Variants in CPLANE1 observed in about 807,000 individuals in gnomAD.
CPLANE1 encodes the protein ciliogenesis and planar polarity effector complex subunit 1.
CPLANE1 carries 263 observed loss-of-function variants against 362.5 expected under a neutral mutation model. The observed-to-expected ratio is 0.73, with a 90% CI of 0.66 to 0.80. CPLANE1 has a LOEUF of 0.80. CPLANE1 is among the 30% of genes least tolerant of loss of function. The pLI is 0.00. For missense variants in CPLANE1, 3,461 were observed against 3,793.4 expected (o/e 0.91, Z 2.30); for synonymous variants, 1,212 against 1,302.6 (o/e 0.93, Z 1.50).
chr5:37,243,185 CAT>C (rs1245590996), intron 5 of CPLANE1, 66 bp from the exon 6 acceptor site: 12 of 879,410 alleles, frequency 1.4e-5, no homozygotes, highest in Admixed American at 2.9e-5. Flanking sequence ...TACTAAAATA[CAT>C]ATATATATTC....
At chr5:37,186,109 A>G (rs767310595) in intron 24 of CPLANE1, among the ~76,000 whole-genome samples, 177 bp downstream of exon 24, 3 of 152,240 alleles carry the variant, frequency 2.0e-5, no homozygotes, top group Non-Finnish European at 2.9e-5. Context: ...ATCTGGTTCC[A>G]AAGCAAGAGA....
chr5:37,224,276 GC>G lies in CPLANE1; in HGVS notation c.2557del (p.Ala853LeufsTer34). ...ACCTTTCTCTTCGATTTCTTGTAGA[GC>G]TTTTTTCCACAGCTGAACAGACTTT... ...YEKSVQLWKK[A>X]LQEIEEKGGR... On this transcript the variant is annotated frameshift_variant, in exon 14 of 53. Transcript: ENST00000651892. 6.5e-7 allele frequency: 1 copy of G among 1,549,154 alleles called. No homozygotes were observed. The highest frequency in any genetic ancestry group is 8.7e-7 in the Non-Finnish European group (1 of 1,145,842).
chr5:37,121,532 C>G (rs1323204588), intron 49 of CPLANE1, 85 bp downstream of exon 49: 2 of 1,267,666 alleles, frequency 1.6e-6, no homozygotes, highest in Non-Finnish European at 2.2e-6. Context: ...TGCAAATGCA[C>G]TGAACTTAGG....
At chr5:37,235,329 A>T (rs1304315344) in intron 8 of CPLANE1, among the ~76,000 whole-genome samples, 1 of 152,128 alleles carries the variant, frequency 6.6e-6, no homozygotes, top group Non-Finnish European at 1.5e-5. Context: ...TTATAATTAT[A>T]AAACGCTGAT....
At position 37,231,702 on chromosome 5, in the gene CPLANE1, C is replaced by G. The variant is rs188558824; in HGVS notation, c.939-653G>C. 1.5e-4 allele frequency among the ~76,000 whole-genome samples: 23 copies of G among 152,254 alleles called. 1 individual carries two copies. Among genetic ancestry groups the G allele is most frequent in the Admixed American group, 1.2e-3 (19 of 15,290 alleles). On this transcript the variant is annotated intron_variant, in intron 8 of 52. Transcript: ENST00000651892. ...CTCTGCAGGCTGTTAGAGTCCCTCT[C>G]AACAGCAGACTCTCCCTCTTCCCAA...
chr5:37,244,501 A>G lies in CPLANE1; in HGVS notation c.444T>C (p.Asn148=). Residue 148 remains asparagine, a synonymous_variant, in exon 5 of 53, where the codon AAT becomes AAC. Transcript: ENST00000651892. Reference sequence around the variant, plus strand: ...ATGAAAGGCTTTTAGAAGATAAGATATTCTTTAATTCCAAATATTCCCAAA... The same window carrying G: ...ATGAAAGGCTTTTAGAAGATAAGATGTTCTTTAATTCCAAATATTCCCAAA... ...IFLWEYLELK[N]ILSSKSLSLA... The G allele has an allele frequency of 6.4e-7, 1 of 1,551,912 alleles. No individual in the cohort carries two copies. The highest frequency in any genetic ancestry group is 8.7e-7 in the Non-Finnish European group (1 of 1,146,948).
chr5:37,231,157 C>T, intron 8 of CPLANE1, 108 bp from the exon 9 acceptor site: 1 of 636,244 alleles, frequency 1.6e-6, no homozygotes, highest in Non-Finnish European at 2.3e-6. Flanking sequence ...AAAATGAGGG[C>T]AAAAGAATGA....
downstream of CPLANE1, among the ~76,000 whole-genome samples, chr5:37,103,852 C>T (rs569454337): frequency 1.1e-3 from 162 of 152,060 alleles, no homozygotes; most frequent in Middle Eastern, 3.4e-3. Context: ...TTGGGGTTTT[C>T]TTGTAAAGTA....
chr5:37,133,742 T>A (rs1450849034), intron 46 of CPLANE1, among the ~76,000 whole-genome samples: 2 of 152,204 alleles, frequency 1.3e-5, no homozygotes, highest in Non-Finnish European at 2.9e-5. Flanking sequence ...GAATTCTTAT[T>A]TTCCTATTTG....
At chr5:37,192,430 A>G (rs76968946) in intron 21 of CPLANE1, among the ~76,000 whole-genome samples, 1 of 152,116 alleles carries the variant, frequency 6.6e-6, no homozygotes, top group Non-Finnish European at 1.5e-5. Flanking sequence ...GTCTAAGTAT[A>G]TCCTATGGTC....
At position 37,181,731 on chromosome 5, in the gene CPLANE1, C is replaced by T. The variant is rs184659923; in HGVS notation, c.5422-726G>A. On this transcript the variant is annotated intron_variant, in intron 26 of 52. Transcript: ENST00000651892. ...TTGGAAGATTCAAGTGGAAGGATCA[C>T]TTGAGCCCAGGAGGTCAAGGCTACA... is the stretch of plus-strand genomic sequence containing the variant. 6.5e-3 allele frequency among the ~76,000 whole-genome samples: 989 copies of T among 152,216 alleles called. 8 individuals carry two copies. Among genetic ancestry groups the T allele is most frequent in the African/African-American group, 0.022 (930 of 41,518 alleles).
chr5:37,098,358 T>A, the CPLANE1 span, among the ~76,000 whole-genome samples: 1 of 115,646 alleles, frequency 8.6e-6, no homozygotes, highest in African/African-American at 3.5e-5. Context: ...GCCACCGTAC[T>A]CCAGCCTGGG....
intron 52 of CPLANE1, 126 bp from the exon 53 acceptor site, chr5:37,107,904 T>G (rs899295507): frequency 1.4e-6 from 2 of 1,405,008 alleles, no homozygotes; most frequent in Admixed American, 2.9e-5. Context: ...ATCAAAAGGC[T>G]GAAGGAAATG....
chr5:37,098,201 G>A, the CPLANE1 span, among the ~76,000 whole-genome samples: 2 of 151,692 alleles, frequency 1.3e-5, no homozygotes, highest in Non-Finnish European at 2.9e-5. Context: ...AGACCAGCCT[G>A]GCCAAGATGG....
At chr5:37,197,897 C>G (rs1390989508) in intron 20 of CPLANE1, among the ~76,000 whole-genome samples, 1 of 152,046 alleles carries the variant, frequency 6.6e-6, no homozygotes. Flanking sequence ...TCCCTAACCC[C>G]GGCAACCAAC....
chr5:37,175,832 TAC>T, intron 31 of CPLANE1, 75 bp downstream of exon 31: 1 of 951,458 alleles, frequency 1.1e-6, no homozygotes, highest in East Asian at 2.5e-5. Flanking sequence ...TCAAAAATGG[TAC>T]AGTCGGCATA....
chr5:37,150,509 C>G (rs1773192460), intron 42 of CPLANE1, among the ~76,000 whole-genome samples: 1 of 151,956 alleles, frequency 6.6e-6, no homozygotes, highest in African/African-American at 2.4e-5. Context: ...CCTCCCTCCC[C>G]CAACACACAC....
chr5:37,229,600 T>C (rs1431025111), intron 9 of CPLANE1, among the ~76,000 whole-genome samples: 1 of 152,140 alleles, frequency 6.6e-6, no homozygotes, highest in Non-Finnish European at 1.5e-5. Context: ...CTCAGTTTCC[T>C]TTCTATAAAG....
downstream of CPLANE1, among the ~76,000 whole-genome samples, chr5:37,101,402 T>G (rs1757280746): frequency 6.6e-6 from 1 of 152,232 alleles, no homozygotes; most frequent in African/African-American, 2.4e-5. Flanking sequence ...TGAATTACAT[T>G]TATTGATTTG....
Sources: gnomAD v4.1 joint callset for allele counts (sites outside exome capture counted in the v4.1 genomes callset) on GRCh38, gnomAD v4.1.1 for gene constraint, MANE v1.5 for transcripts, NCBI Gene and HGNC (gene_info 2026-07-23, HGNC 2026-07-21) for gene names.